Variants in SMARCAL1 observed in about 807,000 individuals in gnomAD.
SMARCAL1 encodes the protein ATP-driven annealing helicase.
A neutral mutation model predicts 94.5 loss-of-function variants in SMARCAL1; 58 were observed. The observed-to-expected ratio is 0.61, with a 90% CI of 0.50 to 0.76. The LOEUF (loss-of-function observed/expected upper bound fraction) is 0.76. Ranked by LOEUF, SMARCAL1 falls within the 30% of genes least tolerant of loss-of-function variation. The probability of loss-of-function intolerance (pLI) is 0.00; values close to 1 mark genes in which losing one functional copy is unlikely to be tolerated. For missense variants in SMARCAL1, 1,051 were observed against 1,177.9 expected (o/e 0.89, Z 1.58); for synonymous variants, 422 against 455.1 (o/e 0.93, Z 0.93).
chr2:216,417,843 T>C (rs1693633519), intron 4 of SMARCAL1, among the ~76,000 whole-genome samples: 2 of 152,234 alleles, frequency 1.3e-5, no homozygotes, highest in Non-Finnish European at 2.9e-5. Context: ...TTTTGTCTTT[T>C]TACTCTTGTT....
chr2:216,457,816 G>A (rs1164227005), intron 12 of SMARCAL1, among the ~76,000 whole-genome samples: 8 of 152,028 alleles, frequency 5.3e-5, no homozygotes, highest in African/African-American at 1.9e-4. Flanking sequence ...GACAGCAGAA[G>A]GCAAGAAATA....
intron 14 of SMARCAL1, among the ~76,000 whole-genome samples, chr2:216,469,050 C>T (rs954527431): frequency 6.6e-6 from 1 of 151,784 alleles, no homozygotes; most frequent in Non-Finnish European, 1.5e-5. Context: ...TACTTAGGTC[C>T]CCTCAGTATT....
Position 216,450,935 on chromosome 2 carries a change from G to T in SMARCAL1, c.1941G>T (p.Lys647Asn). The T allele has an allele frequency of 6.2e-7, 1 of 1,614,220 alleles. No homozygotes were observed. The highest frequency in any genetic ancestry group is 8.5e-7 in the Non-Finnish European group (1 of 1,180,040). Residue 647 changes from lysine (K) to asparagine (N), a missense_variant, in exon 12 of 18, where the codon AAG (lysine) becomes AAT (asparagine). Physicochemically the swap from Lys to Asn is moderately conservative, Grantham distance 94 (BLOSUM62 0). This residue lies in a region of SMARCAL1 where 642 missense variants were observed against 754.7 expected (regional missense o/e 0.85). Transcript: ENST00000357276. The part of the protein sequence containing the change: ...LEEAVMLRRL[K>N]SDVLSQLPAK... ...AAGCAGTCATGCTGCGGCGCCTCAA[G>T]TCCGACGTCCTTTCCCAGCTGCCTG...
In SMARCAL1 at chr2:216,431,495, ATTCTTT is replaced by A. The variant is rs1347051691; in HGVS notation, c.1335-1214_1335-1209del. Among the ~76,000 whole-genome samples the A allele has an allele frequency of 5.3e-5, 8 of 152,220 alleles. No individual in the cohort carries two copies. In the East Asian group the frequency reaches 1.4e-3, roughly 26 times the overall value. Reference sequence around the variant, plus strand: ...AGTCATTTTTACTGTTTGTGTTTTGATTCTTTTTCTTTTTGTGGAATAGTAGTTATG... The same window carrying A: ...AGTCATTTTTACTGTTTGTGTTTTGATTCTTTTTGTGGAATAGTAGTTATG... On this transcript the variant is annotated intron_variant, in intron 7 of 17. Transcript: ENST00000357276.
chr2:216,443,477 G>T (rs1043950225), intron 10 of SMARCAL1, among the ~76,000 whole-genome samples: 1 of 151,336 alleles, frequency 6.6e-6, no homozygotes, highest in Non-Finnish European at 1.5e-5. Flanking sequence ...CAATATACAT[G>T]CAGTCACTGT....
At chr2:216,422,266 A>G (rs1056392574) in intron 5 of SMARCAL1, among the ~76,000 whole-genome samples, 3 of 152,030 alleles carry the variant, frequency 2.0e-5, no homozygotes, top group Admixed American at 6.6e-5. Context: ...TGTAATCCCA[A>G]CTACTCAGGA....
chr2:216,431,920 TC>T (rs1270700301), intron 7 of SMARCAL1, among the ~76,000 whole-genome samples: 2 of 152,218 alleles, frequency 1.3e-5, no homozygotes, highest in Admixed American at 6.5e-5. Flanking sequence ...GCATCTTCTG[TC>T]TTTGCCAGCC....
At position 216,464,643 on chromosome 2, in the gene SMARCAL1, C is replaced by A; in HGVS notation, c.2117C>A (p.Ala706Asp). 1.9e-6 allele frequency: 3 copies of A among 1,612,202 alleles called. No homozygotes were observed. The highest frequency in any genetic ancestry group is 2.5e-6 in the Non-Finnish European group (3 of 1,179,132). The change falls in exon 13 of 18, where the codon GCT becomes GAT. Residue 706 changes from alanine (A) to aspartate (D), a missense_variant. By Grantham distance (126) the Ala-to-Asp change is moderately radical. Coordinates refer to ENST00000357276, the MANE Select transcript of SMARCAL1 (RefSeq NM_014140.4). ...CTCATTCTCTTCTTCAACAGAACAG[C>A]TGAAGCTAAAATCCCATCTGTCATG... is the stretch of plus-strand genomic sequence containing the variant. ...DALILFFNRTAEAKIPSVIEY... is the reference protein window; with the variant it reads ...DALILFFNRTDEAKIPSVIEY...
intron 7 of SMARCAL1, among the ~76,000 whole-genome samples, chr2:216,430,045 C>T (rs886148949): frequency 2.0e-5 from 3 of 152,164 alleles, no homozygotes; most frequent in Admixed American, 2.0e-4. Flanking sequence ...CATCCAAGTT[C>T]TTCGTGGCAC....
chr2:216,472,315 AC>A (rs1240206728), intron 14 of SMARCAL1, among the ~76,000 whole-genome samples: 1 of 152,190 alleles, frequency 6.6e-6, no homozygotes, highest in Non-Finnish European at 1.5e-5. Context: ...AGATCCTGCC[AC>A]TGTACTGCAG....
intron 14 of SMARCAL1, among the ~76,000 whole-genome samples, chr2:216,472,241 G>T (rs569534509): frequency 6.5e-4 from 99 of 152,228 alleles, no homozygotes; most frequent in African/African-American, 2.2e-3. Flanking sequence ...TGTAATCCCA[G>T]CTAGTCAGGA....
chr2:216,480,945 G>A (rs567102275), intron 17 of SMARCAL1, among the ~76,000 whole-genome samples: 6 of 152,236 alleles, frequency 3.9e-5, no homozygotes, highest in Non-Finnish European at 5.9e-5. Flanking sequence ...GGCAGGAAGC[G>A]CAGTTGAGCT....
At position 216,475,389 on chromosome 2, in the gene SMARCAL1, A is replaced by G. The variant is rs769024580; in HGVS notation, c.2365A>G (p.Met789Val). 4 of 1,614,098 alleles carry G rather than the reference A, an allele frequency of 2.5e-6. No homozygotes were observed. The South Asian group carries it at 3.3e-5, about 13-fold the overall frequency. The change falls in exon 15 of 18, where the codon ATG becomes GTG. Residue 789 changes from methionine (M) to valine (V), a missense_variant. Around this residue, in one of 3 missense-constraint regions of SMARCAL1, gnomAD observed 642 missense variants for 754.7 expected, o/e 0.85. Coordinates refer to ENST00000357276, the MANE Select transcript of SMARCAL1 (RefSeq NM_014140.4). This position sits in a 1 kb window ranked among gnomAD's most constrained non-coding sequence, Gnocchi z 4.4. ...VAVLSITAAN[M>V]GLTFSSADLV... ...CGTGCTGTCCATCACCGCTGCCAAT[A>G]TGGGCCTCACCTTCTCCTCGGCTGA...
At chr2:216,481,096 C>T (rs920085445) in intron 17 of SMARCAL1, among the ~76,000 whole-genome samples, 1 of 152,076 alleles carries the variant, frequency 6.6e-6, no homozygotes, top group Admixed American at 6.6e-5. Context: ...TGGGAGACTA[C>T]GAGAATGCAG....
intron 14 of SMARCAL1, among the ~76,000 whole-genome samples, chr2:216,469,527 G>T (rs998790911): frequency 2.0e-5 from 3 of 151,662 alleles, no homozygotes; most frequent in Non-Finnish European, 4.4e-5. Context: ...CTCATGATCC[G>T]CCCGCCTCGG....
At chr2:216,424,337 C>T (rs1315656433) in intron 6 of SMARCAL1, among the ~76,000 whole-genome samples, 1 of 152,218 alleles carries the variant, frequency 6.6e-6, no homozygotes, top group Admixed American at 6.5e-5. Flanking sequence ...GAAATATGGT[C>T]ATATCTCAGA....
intron 14 of SMARCAL1, among the ~76,000 whole-genome samples, chr2:216,471,090 C>A (rs1694956395): frequency 6.6e-6 from 1 of 151,732 alleles, no homozygotes; most frequent in African/African-American, 2.4e-5. Flanking sequence ...TTTTCAATTT[C>A]TTCAACAAAG....
intron 4 of SMARCAL1, among the ~76,000 whole-genome samples, chr2:216,418,065 C>T (rs148227719): frequency 2.6e-5 from 4 of 152,030 alleles, no homozygotes; most frequent in Admixed American, 2.0e-4. Context: ...GGATTTCAGG[C>T]GTGTACCATG....
At chr2:216,439,742 A>C (rs1694157638) in intron 10 of SMARCAL1, among the ~76,000 whole-genome samples, 1 of 152,226 alleles carries the variant, frequency 6.6e-6, no homozygotes, top group Non-Finnish European at 1.5e-5. Flanking sequence ...CATGTGCCAA[A>C]CCAAAGAATA....
Sources: gnomAD v4.1 joint callset for allele counts (sites outside exome capture counted in the v4.1 genomes callset) on GRCh38, gnomAD v4.1.1 for gene constraint, gnomAD v4.1.1 regional missense constraint, Gnocchi (gnomAD v3.1) non-coding constraint, MANE v1.5 for transcripts, NCBI Gene and HGNC (gene_info 2026-07-23, HGNC 2026-07-21) for gene names.